Variants in MTNAP1 observed in about 807,000 individuals in gnomAD.
MTNAP1 encodes mitochondrial nucleoid associated protein 1.
the MTNAP1 span, among the ~76,000 whole-genome samples, chr17:73,238,490 G>T: frequency 6.6e-6 from 1 of 152,202 alleles, no homozygotes; most frequent in African/African-American, 2.4e-5. Context: ...CAAAATGGAT[G>T]TGTACTAAAA....
chr17:73,244,534 C>G, the MTNAP1 span: 1 of 118,796 alleles, frequency 8.4e-6, no homozygotes, highest in Non-Finnish European at 1.6e-5. Flanking sequence ...CTACTCCAGC[C>G]TGGGCAACAA....
chr17:73,239,325 T>C, the MTNAP1 span, among the ~76,000 whole-genome samples: 1 of 152,174 alleles, frequency 6.6e-6, no homozygotes, highest in South Asian at 2.1e-4. Flanking sequence ...CTGTACTACA[T>C]TTTATAGTGC....
At chr17:73,232,656 GCCTGGGGGGCTTC>G in the MTNAP1 span, 9 of 239,814 alleles carry the variant, frequency 3.8e-5, no homozygotes, top group Non-Finnish European at 7.2e-5. Flanking sequence ...TTGGGCAGGG[GCCTGGGGGGCTTC>G]CCTGGGGGGC....
the MTNAP1 span, among the ~76,000 whole-genome samples, chr17:73,238,289 AAAGTAGCATAC>A: frequency 6.6e-6 from 1 of 151,914 alleles, no homozygotes; most frequent in East Asian, 1.9e-4. Context: ...TGTCGTTTGT[AAAGTAGCATAC>A]CTGTCGTGTG....
the MTNAP1 span, chr17:73,235,680 A>C: frequency 4.3e-6 from 7 of 1,614,210 alleles, no homozygotes; most frequent in Non-Finnish European, 5.9e-6. Flanking sequence ...TTAAAGCTAA[A>C]GGGAAAGAGT....
At chr17:73,236,772 C>T in the MTNAP1 span, 56 of 1,613,960 alleles carry the variant, frequency 3.5e-5, 1 homozygote, top group African/African-American at 7.1e-4. Context: ...GGTGCCAGAG[C>T]CCTTTATGTT....
chr17:73,236,332 A>G, the MTNAP1 span: 1 of 1,614,180 alleles, frequency 6.2e-7, no homozygotes, highest in Non-Finnish European at 8.5e-7. Flanking sequence ...AAGCCTTAAA[A>G]TGAGCTCATT....
the MTNAP1 span, among the ~76,000 whole-genome samples, chr17:73,239,643 A>G: frequency 1.3e-5 from 2 of 151,292 alleles, no homozygotes; most frequent in East Asian, 3.9e-4. Flanking sequence ...TTCAGGCTCC[A>G]GAGTAGCTGG....
At chr17:73,236,746 C>T in the MTNAP1 span, 2 of 1,614,160 alleles carry the variant, frequency 1.2e-6, no homozygotes, top group Non-Finnish European at 1.7e-6. Flanking sequence ...TAGTCAGTTC[C>T]AAGCATCACA....
At chr17:73,248,047 G>A in the MTNAP1 span, 1 of 157,782 alleles carries the variant, frequency 6.3e-6, no homozygotes, top group South Asian at 1.9e-4. Context: ...ATTATTTTCT[G>A]AGATTTAGAT....
the MTNAP1 span, among the ~76,000 whole-genome samples, chr17:73,235,100 T>C: frequency 7.2e-6 from 1 of 138,656 alleles, no homozygotes. Flanking sequence ...CATGCCCCTG[T>C]AGTCCCAACT....
the MTNAP1 span, chr17:73,248,832 A>G: frequency 5.9e-6 from 2 of 338,202 alleles, no homozygotes; most frequent in Non-Finnish European, 1.1e-5. Flanking sequence ...TCTAATGCAC[A>G]TTAAAATTTA....
the MTNAP1 span, among the ~76,000 whole-genome samples, chr17:73,246,262 G>A: frequency 6.6e-6 from 1 of 152,080 alleles, no homozygotes; most frequent in Non-Finnish European, 1.5e-5. Context: ...TGCTGGGTGC[G>A]GTGGCTCACG....
the MTNAP1 span, among the ~76,000 whole-genome samples, chr17:73,243,762 T>G: frequency 1.3e-5 from 2 of 152,056 alleles, no homozygotes; most frequent in African/African-American, 2.4e-5. Flanking sequence ...CTCGAACTCC[T>G]GACCTCATGA....
At chr17:73,245,168 A>G in the MTNAP1 span, 13 of 1,613,632 alleles carry the variant, frequency 8.1e-6, no homozygotes, top group African/African-American at 1.6e-4. Flanking sequence ...TTATCCAAAG[A>G]GCTGCAGCGG....
At chr17:73,241,447 C>T in the MTNAP1 span, among the ~76,000 whole-genome samples, 119 of 152,190 alleles carry the variant, frequency 7.8e-4, no homozygotes, top group Middle Eastern at 3.4e-3. Flanking sequence ...CGTGAGCCAC[C>T]GCGCCCGGCC....
chr17:73,235,355 G>GT, the MTNAP1 span: 1 of 830,594 alleles, frequency 1.2e-6, no homozygotes, highest in African/African-American at 1.7e-5. Flanking sequence ...TTGACTTGCT[G>GT]TAACCGTAAG....
chr17:73,242,436 A>T, the MTNAP1 span: 2 of 855,548 alleles, frequency 2.3e-6, no homozygotes, highest in South Asian at 3.7e-5. Context: ...AGCAAGGCTA[A>T]AGAGGAGAGG....
the MTNAP1 span, among the ~76,000 whole-genome samples, chr17:73,233,602 G>A: frequency 1.6e-4 from 24 of 152,352 alleles, no homozygotes; most frequent in South Asian, 4.1e-4. Context: ...GGTGGCTCAC[G>A]CCTGTAGTCC....
Sources: allele counts gnomAD v4.1 joint callset (sites outside exome capture counted in the v4.1 genomes callset), GRCh38; gene constraint gnomAD v4.1.1; transcripts MANE v1.5; gene names NCBI Gene and HGNC (gene_info 2026-07-23, HGNC 2026-07-21).